Variants in PBRM1 observed in about 807,000 individuals in gnomAD.
The protein encoded by PBRM1 is polybromo 1.
A neutral mutation model predicts 194.5 loss-of-function variants in PBRM1; 27 were observed. The observed-to-expected ratio is 0.14, with a 90% CI of 0.10 to 0.19. The LOEUF is 0.19. Ranked by LOEUF, PBRM1 falls within the 10% of genes least tolerant of loss-of-function variation. The probability of loss-of-function intolerance (pLI) is 1.00; values close to 1 mark genes in which losing one functional copy is unlikely to be tolerated. For synonymous variants in PBRM1, 655 were observed against 693.2 expected (o/e 0.94, Z 0.87); for missense variants, 1,466 against 2,077.2 (o/e 0.71, Z 5.72).
rs535825093 is a variant in PBRM1, at chr3:52,554,206, T to G, written c.4609+518A>C. 2.6e-5 allele frequency among the ~76,000 whole-genome samples: 4 copies of G among 152,240 alleles called. No homozygotes were observed. In the South Asian group the frequency reaches 8.3e-4, roughly 32 times the overall value. ...GACTGAGTGAAAGATTTCTGAAGAG[T>G]TCTACCTTAGCAGCTCTGCAATCCC... On this transcript the variant is annotated intron_variant, in intron 27 of 29. Coordinates refer to ENST00000296302, the Ensembl canonical transcript of PBRM1.
At chr3:52,577,667 C>T (rs898030569) in intron 21 of PBRM1, among the ~76,000 whole-genome samples, 8 of 152,120 alleles carry the variant, frequency 5.3e-5, no homozygotes, top group African/African-American at 1.9e-4. Flanking sequence ...TCAGACCCCA[C>T]ACTCCATTTA....
At chr3:52,680,540 C>T (rs2097185983), upstream of PBRM1, among the ~76,000 whole-genome samples, 1 of 152,200 alleles carries the variant, frequency 6.6e-6, no homozygotes, top group African/African-American at 2.4e-5. Flanking sequence ...AGAAATGCAA[C>T]CACTGAATGA....
intron 1 of PBRM1, chr3:52,685,460 G>A (rs1055294847): frequency 3.9e-5 from 6 of 152,120 alleles, no homozygotes; most frequent in African/African-American, 1.4e-4. Flanking sequence ...GGGGACTGAG[G>A]GAAACGTTGA....
At chr3:52,578,171 A>T (rs2090178956) in intron 21 of PBRM1, among the ~76,000 whole-genome samples, 1 of 152,036 alleles carries the variant, frequency 6.6e-6, no homozygotes, top group African/African-American at 2.4e-5. Flanking sequence ...TATATAAACC[A>T]TTCTCCCTGC....
At chr3:52,560,344 TGTA>T (rs1286591907) in intron 25 of PBRM1, among the ~76,000 whole-genome samples, 1 of 152,166 alleles carries the variant, frequency 6.6e-6, no homozygotes, top group Non-Finnish European at 1.5e-5. Flanking sequence ...AGCTCAGTGG[TGTA>T]GTAGGTCTTA....
At chr3:52,652,272 T>G (rs1303372296) in intron 5 of PBRM1, among the ~76,000 whole-genome samples, 2 of 151,322 alleles carry the variant, frequency 1.3e-5, no homozygotes, top group Admixed American at 1.3e-4. Context: ...TAATCCCAGC[T>G]ACTCAGGAGG....
At chr3:52,683,233 C>G (rs2097242639), upstream of PBRM1, among the ~76,000 whole-genome samples, 1 of 151,282 alleles carries the variant, frequency 6.6e-6, no homozygotes, top group Non-Finnish European at 1.5e-5. Flanking sequence ...AATTAGCTGG[C>G]TGAGGCAGTG....
At chr3:52,643,171 T>C (rs771766109) in intron 9 of PBRM1, 77 bp downstream of exon 10, 17 of 990,710 alleles carry the variant, frequency 1.7e-5, no homozygotes, top group Non-Finnish European at 2.4e-5. Flanking sequence ...TCCTTCAAGA[T>C]AGCCATTGGG....
chr3:52,674,440 T>A (rs1288624126), intron 2 of PBRM1, among the ~76,000 whole-genome samples: 1 of 139,170 alleles, frequency 7.2e-6, no homozygotes, highest in Non-Finnish European at 1.5e-5. Context: ...ACAATCGAGA[T>A]CGCACCACTG....
At chr3:52,587,893 C>CAT (rs142949335) in intron 18 of PBRM1, among the ~76,000 whole-genome samples, 216 of 149,664 alleles carry the variant, frequency 1.4e-3, no homozygotes, top group African/African-American at 2.0e-3. Flanking sequence ...TTTCCCCCCT[C>CAT]ATATATATAT....
intron 20 of PBRM1, among the ~76,000 whole-genome samples, chr3:52,582,587 A>G (rs998622246): frequency 4.0e-5 from 6 of 151,612 alleles, no homozygotes; most frequent in African/African-American, 1.5e-4. Flanking sequence ...TCAGCCTCCC[A>G]AAGTGCTGGG....
chr3:52,592,470 GA>G (rs1380655608), intron 17 of PBRM1, among the ~76,000 whole-genome samples: 1 of 152,160 alleles, frequency 6.6e-6, no homozygotes, highest in African/African-American at 2.4e-5. Flanking sequence ...CACATTTATT[GA>G]TTTGCGTATG....
intron 22 of PBRM1, among the ~76,000 whole-genome samples, chr3:52,570,286 C>T (rs1226427579): frequency 6.6e-6 from 1 of 152,018 alleles, no homozygotes; most frequent in Non-Finnish European, 1.5e-5. Flanking sequence ...CAGAACATCC[C>T]TATTTTGCTC....
At chr3:52,662,079 G>A (rs2096736599) in intron 4 of PBRM1, 54 bp downstream of exon 5, 2 of 1,570,256 alleles carry the variant, frequency 1.3e-6, no homozygotes, top group Non-Finnish European at 1.7e-6. Context: ...ACAAGCAGGG[G>A]CCCTCTCTGC....
At chr3:52,570,122 C>T (rs2086579576) in intron 22 of PBRM1, among the ~76,000 whole-genome samples, 1 of 152,324 alleles carries the variant, frequency 6.6e-6, no homozygotes, top group South Asian at 2.1e-4. Context: ...AAGGCACCCA[C>T]CACCACGCCC....
intron 16 of PBRM1, among the ~76,000 whole-genome samples, chr3:52,604,957 C>CT (rs1560282598): frequency 7.4e-5 from 6 of 81,438 alleles, no homozygotes; most frequent in East Asian, 5.1e-4. Flanking sequence ...GACTCTGTCC[C>CT]AAAATAAATA....
chr3:52,567,664 G>A (rs1019659433), intron 22 of PBRM1, among the ~76,000 whole-genome samples: 2 of 150,674 alleles, frequency 1.3e-5, no homozygotes, highest in African/African-American at 4.9e-5. Flanking sequence ...AATGGCCAAG[G>A]TTGGGTATAT....
intron 6 of PBRM1, 51 bp downstream of exon 7, chr3:52,651,691 T>C (rs755590288): frequency 1.1e-5 from 12 of 1,045,128 alleles, no homozygotes; most frequent in Non-Finnish European, 4.3e-6. Context: ...GGAAAGATCA[T>C]AGGCCAATCT....
At chr3:52,611,838 A>C (rs929809389) in intron 15 of PBRM1, among the ~76,000 whole-genome samples, 13 of 151,698 alleles carry the variant, frequency 8.6e-5, no homozygotes, top group Admixed American at 2.0e-4. Context: ...CACACAAAAA[A>C]CCCCACAACA....
Sources: gnomAD v4.1 joint callset for allele counts (sites outside exome capture counted in the v4.1 genomes callset) on GRCh38, gnomAD v4.1.1 for gene constraint, MANE v1.5 for transcripts, NCBI Gene and HGNC (gene_info 2026-07-23, HGNC 2026-07-21) for gene names.